GRID2: variants seen among roughly 807,000 people sequenced by gnomAD.
GRID2 encodes the protein glutamate receptor ionotropic, delta-2.
In GRID2, 33 loss-of-function variants were observed where a neutral mutation model predicts 114.8. The ratio of observed to expected loss-of-function variants is 0.29; its 90% CI spans 0.22 to 0.38. The LOEUF (loss-of-function observed/expected upper bound fraction) is 0.38. Ranked by LOEUF, GRID2 falls within the 10% of genes least tolerant of loss-of-function variation. The probability of loss-of-function intolerance (pLI) is 1.00; values close to 1 mark genes in which losing one functional copy is unlikely to be tolerated. For missense variants in GRID2, 1,184 were observed against 1,257.7 expected, an observed-to-expected ratio of 0.94 and a Z score of 0.89; for synonymous variants, 505 against 449.9, an observed-to-expected ratio of 1.12 and a Z score of -1.55.
chr4:92,365,077 G>A (rs1001997449), intron 1 of GRID2, among the ~76,000 whole-genome samples: 1 of 151,996 alleles, frequency 6.6e-6, no homozygotes, highest in East Asian at 1.9e-4. Context: ...TATGGAAAAT[G>A]GAGGTTCCTC....
chr4:93,108,129 T>C (rs1732425799), intron 3 of GRID2, among the ~76,000 whole-genome samples: 1 of 152,182 alleles, frequency 6.6e-6, no homozygotes. Flanking sequence ...TGTCTTCTTA[T>C]ACTTTACCTC....
chr4:92,427,372 A>C (rs2110334484), intron 1 of GRID2, among the ~76,000 whole-genome samples: 1 of 152,302 alleles, frequency 6.6e-6, no homozygotes, highest in South Asian at 2.1e-4. Context: ...GCCCCATGAA[A>C]ATGAAAAAGA....
At chr4:93,173,427 G>T (rs1199891024) in intron 4 of GRID2, among the ~76,000 whole-genome samples, 3 of 152,006 alleles carry the variant, frequency 2.0e-5, no homozygotes, top group Admixed American at 2.0e-4. Context: ...AGGAAGGAAG[G>T]AAAGAAGAAA....
intron 1 of GRID2, among the ~76,000 whole-genome samples, chr4:93,781,160 G>C (rs1734470444): frequency 6.6e-6 from 1 of 152,196 alleles, no homozygotes. Context: ...GGGCTTGGGG[G>C]AAGAAAGGAT....
At chr4:93,098,737 G>T (rs1165686037) in intron 3 of GRID2, among the ~76,000 whole-genome samples, 2 of 151,860 alleles carry the variant, frequency 1.3e-5, no homozygotes, top group African/African-American at 4.8e-5. Context: ...CCAATATTGG[G>T]ATGGATATAT....
intron 8 of GRID2, among the ~76,000 whole-genome samples, chr4:93,360,070 G>T (rs1761748512): frequency 6.6e-6 from 1 of 151,396 alleles, no homozygotes; most frequent in Non-Finnish European, 1.5e-5. Context: ...TTCATTAACA[G>T]AATTTCATTC....
Position 93,005,259 on chromosome 4 carries a change from A to T in GRID2, c.245-79736A>T, listed in dbSNP as rs186635282. On this transcript the variant is annotated intron_variant, in intron 2 of 15. Coordinates refer to ENST00000282020, the MANE Select transcript of GRID2 (RefSeq NM_001510.4). ...GGTCATTCATCAAAATGTTCAGTCC[A>T]CAAATTTAGGAGTTATTCTTGAATG... is the stretch of plus-strand genomic sequence containing the variant. 2.0e-5 allele frequency among the ~76,000 whole-genome samples: 3 copies of T among 152,240 alleles called. No homozygotes were observed. The East Asian group carries it at 5.8e-4, about 29-fold the overall frequency.
intron 4 of GRID2, among the ~76,000 whole-genome samples, chr4:93,203,772 G>C (rs983287794): frequency 6.6e-6 from 1 of 152,142 alleles, no homozygotes; most frequent in Non-Finnish European, 1.5e-5. Context: ...TAGGAAAGGG[G>C]AGTCTGCTCC....
intron 2 of GRID2, among the ~76,000 whole-genome samples, chr4:92,830,683 G>T (rs563955691): frequency 5.0e-4 from 76 of 152,258 alleles, no homozygotes; most frequent in Non-Finnish European, 9.6e-4. Context: ...GTTCTGTTGA[G>T]TTTACTAAGA....
chr4:93,293,566 T>G (rs966997210), intron 8 of GRID2, among the ~76,000 whole-genome samples: 1 of 151,324 alleles, frequency 6.6e-6, no homozygotes, highest in Non-Finnish European at 1.5e-5. Context: ...TAAAAAGAGA[T>G]CTAATAGGTA....
intron 1 of GRID2, among the ~76,000 whole-genome samples, chr4:92,379,749 G>C (rs1419424844): frequency 1.3e-5 from 2 of 151,936 alleles, no homozygotes; most frequent in African/African-American, 4.8e-5. Flanking sequence ...GCTGGTTTCT[G>C]TTCTTTACCA....
chr4:92,820,156 T>A (rs1343699794), intron 2 of GRID2, among the ~76,000 whole-genome samples: 1 of 152,132 alleles, frequency 6.6e-6, no homozygotes, highest in Non-Finnish European at 1.5e-5. Flanking sequence ...ATTAATGAGT[T>A]TTATAAAGTT....
intron 2 of GRID2, among the ~76,000 whole-genome samples, chr4:92,917,577 A>C (rs1748918422): frequency 6.6e-6 from 1 of 152,222 alleles, no homozygotes; most frequent in Admixed American, 6.5e-5. Context: ...CTTTCTACAT[A>C]TGGCTAGCCA....
At chr4:92,482,883 G>A (rs1289550458) in intron 1 of GRID2, among the ~76,000 whole-genome samples, 2 of 152,044 alleles carry the variant, frequency 1.3e-5, no homozygotes, top group South Asian at 2.1e-4. Flanking sequence ...TAAATTCTAT[G>A]TCTATCATTG....
intron 2 of GRID2, among the ~76,000 whole-genome samples, chr4:92,844,760 G>T (rs890822844): frequency 6.6e-6 from 1 of 151,460 alleles, no homozygotes; most frequent in Admixed American, 6.6e-5. Flanking sequence ...AAGAAATCTG[G>T]CTAGACCAGC....
chr4:92,918,540 T>G (rs1300186625), intron 2 of GRID2, among the ~76,000 whole-genome samples: 1 of 152,186 alleles, frequency 6.6e-6, no homozygotes, highest in African/African-American at 2.4e-5. Context: ...ATACCGAATT[T>G]ATGGAGAGTT....
At chr4:93,463,775 G>A (rs1344200978) in intron 11 of GRID2, among the ~76,000 whole-genome samples, 4 of 152,024 alleles carry the variant, frequency 2.6e-5, no homozygotes, top group African/African-American at 9.7e-5. Flanking sequence ...GGATCAGGAG[G>A]TCAGGAGATC....
intron 1 of GRID2, among the ~76,000 whole-genome samples, chr4:92,532,306 A>C (rs1049162063): frequency 5.3e-5 from 8 of 152,200 alleles, no homozygotes; most frequent in African/African-American, 1.7e-4. Flanking sequence ...CTGGCCCTAC[A>C]TGTATGCAAG....
chr4:92,382,348 A>G (rs1729659898), intron 1 of GRID2, among the ~76,000 whole-genome samples: 1 of 152,184 alleles, frequency 6.6e-6, no homozygotes, highest in South Asian at 2.1e-4. Context: ...AGCAGAGTTC[A>G]GTATGGGAGG....
Sources: gnomAD v4.1 joint callset for allele counts (sites outside exome capture counted in the v4.1 genomes callset) on GRCh38, gnomAD v4.1.1 for gene constraint, MANE v1.5 for transcripts, NCBI Gene and HGNC (gene_info 2026-07-23, HGNC 2026-07-21) for gene names.